KCNMB2: variants seen among roughly 807,000 people sequenced by gnomAD.
The protein encoded by KCNMB2 is calcium-activated potassium channel subunit beta-2.
A neutral mutation model predicts 24.5 loss-of-function variants in KCNMB2; 9 were observed. The observed-to-expected ratio is 0.37, with a 90% CI of 0.22 to 0.64. KCNMB2 has a LOEUF of 0.64. KCNMB2 is among the 30% of genes least tolerant of loss of function. The pLI, the probability that KCNMB2 is intolerant of heterozygous loss-of-function variation, is 0.63. For missense variants in KCNMB2, 226 were observed against 284.3 expected (o/e 0.79, Z 1.47); for synonymous variants, 109 against 104.4 (o/e 1.04, Z -0.27).
At chr3:178,725,523 C>A (rs1032454895) in intron 1 of KCNMB2, among the ~76,000 whole-genome samples, 1 of 152,000 alleles carries the variant, frequency 6.6e-6, no homozygotes, top group Non-Finnish European at 1.5e-5. Context: ...AAATAGTCAA[C>A]ATATAAAAAT....
intron 4 of KCNMB2, among the ~76,000 whole-genome samples, chr3:178,838,267 C>T (rs1715303772): frequency 6.6e-6 from 1 of 152,172 alleles, no homozygotes; most frequent in Non-Finnish European, 1.5e-5. Flanking sequence ...TGCTTCATGG[C>T]AGTCAAAGTC....
rs76555437 is a variant in KCNMB2, at chr3:178,600,377, C to T, written c.-68+63666C>T. Among the ~76,000 whole-genome samples, 682 of 152,192 alleles carry T rather than the reference C, an allele frequency of 4.5e-3. 6 individuals carry two copies. The highest frequency in any genetic ancestry group is 0.016 in the African/African-American group (652 of 41,530). On this transcript the variant is annotated intron_variant, in intron 1 of 4. Transcript: ENST00000452583. ...TTTGAATAATGCTGCTACGAACATG[C>T]GTGTGCAAATATCTCTTTAAGACCC...
intron 1 of KCNMB2, among the ~76,000 whole-genome samples, chr3:178,631,056 T>A (rs1471743749): frequency 6.6e-6 from 1 of 152,188 alleles, no homozygotes; most frequent in Non-Finnish European, 1.5e-5. Flanking sequence ...TATAGCATTT[T>A]TAATACGGAG....
At chr3:178,760,940 G>T (rs1266576717) in intron 1 of KCNMB2, among the ~76,000 whole-genome samples, 1 of 152,024 alleles carries the variant, frequency 6.6e-6, no homozygotes, top group Non-Finnish European at 1.5e-5. Flanking sequence ...CTAATAACTT[G>T]ATTTACTAAT....
chr3:178,553,990 A>G (rs1233249376), intron 1 of KCNMB2, among the ~76,000 whole-genome samples: 2 of 152,240 alleles, frequency 1.3e-5, no homozygotes. Flanking sequence ...AACAAAAACT[A>G]TTAAAATTAT....
chr3:178,665,424 G>T (rs535486390), intron 1 of KCNMB2, among the ~76,000 whole-genome samples: 1 of 151,820 alleles, frequency 6.6e-6, no homozygotes, highest in Admixed American at 6.6e-5. Context: ...CAAATAAACT[G>T]TTTTTTTTAA....
chr3:178,651,925 A>G (rs1204501958), intron 1 of KCNMB2, among the ~76,000 whole-genome samples: 1 of 152,206 alleles, frequency 6.6e-6, no homozygotes, highest in East Asian at 1.9e-4. Flanking sequence ...TTAACTCAAG[A>G]TGGATTAAAG....
intron 1 of KCNMB2, among the ~76,000 whole-genome samples, chr3:178,751,398 G>A (rs1325808026): frequency 6.6e-6 from 1 of 151,792 alleles, no homozygotes; most frequent in Non-Finnish European, 1.5e-5. Flanking sequence ...GGCCAACATA[G>A]TGAAACCCCA....
chr3:178,681,274 C>A (rs1721262751), intron 1 of KCNMB2, among the ~76,000 whole-genome samples: 1 of 151,942 alleles, frequency 6.6e-6, no homozygotes, highest in East Asian at 1.9e-4. Context: ...AATAGTATAA[C>A]AATACCAACT....
intron 2 of KCNMB2, among the ~76,000 whole-genome samples, chr3:178,809,710 T>C (rs960058506): frequency 1.3e-5 from 2 of 152,228 alleles, no homozygotes; most frequent in African/African-American, 4.8e-5. Context: ...GACTGACGTA[T>C]TGGTAATATT....
chr3:178,670,800 C>G (rs556368677), intron 1 of KCNMB2, among the ~76,000 whole-genome samples: 26 of 152,124 alleles, frequency 1.7e-4, no homozygotes, highest in African/African-American at 6.3e-4. Context: ...AAGCTGAAGC[C>G]GGGAGAGGTG....
intron 1 of KCNMB2, among the ~76,000 whole-genome samples, chr3:178,700,282 T>C (rs1382594304): frequency 6.6e-6 from 1 of 152,242 alleles, no homozygotes; most frequent in Non-Finnish European, 1.5e-5. Context: ...ATTCAGTACT[T>C]ATCTCCTATC....
Position 178,843,061 on chromosome 3 carries a change from T to C in KCNMB2, c.*124T>C, listed in dbSNP as rs1715485611. 3.9e-6 allele frequency: 3 copies of C among 770,054 alleles called. No homozygotes were observed. The highest frequency in any genetic ancestry group is 6.4e-6 in the Non-Finnish European group (3 of 469,656). 47.7% of individuals were successfully genotyped at this position (770,054 alleles called of 1,614,324 possible). A position where few individuals can be genotyped will look rare whatever the true frequency, so the allele number is the denominator to read the frequency against. On this transcript the variant is annotated 3_prime_UTR_variant, in exon 5 of 5. Coordinates refer to ENST00000452583, the MANE Select transcript of KCNMB2 (RefSeq NM_181361.3). The stretch of plus-strand genomic sequence containing the variant: ...GAGTTCCCTAATATATTCTTATATG[T>C]AGAGCAATAATGCAAAAGCTGTTCT...
At chr3:178,591,655 A>G (rs1717679280) in intron 1 of KCNMB2, among the ~76,000 whole-genome samples, 1 of 152,186 alleles carries the variant, frequency 6.6e-6, no homozygotes, top group South Asian at 2.1e-4. Flanking sequence ...ATAATCTGGC[A>G]TCTGTATCAA....
intron 1 of KCNMB2, among the ~76,000 whole-genome samples, chr3:178,609,759 CA>C (rs1220836568): frequency 6.6e-6 from 1 of 152,224 alleles, no homozygotes; most frequent in East Asian, 1.9e-4. Flanking sequence ...ACCTCACCCC[CA>C]TGAGTATCTG....
At chr3:178,808,707 C>T (rs1423465021) in intron 2 of KCNMB2, among the ~76,000 whole-genome samples, 1 of 152,044 alleles carries the variant, frequency 6.6e-6, no homozygotes, top group Non-Finnish European at 1.5e-5. Context: ...CCACTTAGCA[C>T]TTTAAAATGC....
At chr3:178,554,322 C>T (rs1162860505) in intron 1 of KCNMB2, among the ~76,000 whole-genome samples, 1 of 152,154 alleles carries the variant, frequency 6.6e-6, no homozygotes, top group Non-Finnish European at 1.5e-5. Context: ...TTTGAATCAA[C>T]TTTTAATAAG....
At chr3:178,581,552 A>T in intron 1 of KCNMB2, among the ~76,000 whole-genome samples, 1 of 152,234 alleles carries the variant, frequency 6.6e-6, no homozygotes. Flanking sequence ...CTGCACAGCA[A>T]AAGAAACTAT....
At chr3:178,772,793 G>A (rs1380954782) in intron 1 of KCNMB2, among the ~76,000 whole-genome samples, 1 of 152,200 alleles carries the variant, frequency 6.6e-6, no homozygotes, top group African/African-American at 2.4e-5. Flanking sequence ...GAAACATGTA[G>A]AAGTAGGTAG....
Sources: gnomAD v4.1 joint callset for allele counts (sites outside exome capture counted in the v4.1 genomes callset) on GRCh38, gnomAD v4.1.1 for gene constraint, MANE v1.5 for transcripts, NCBI Gene and HGNC (gene_info 2026-07-23, HGNC 2026-07-21) for gene names.